The following VRK1 variants were observed in gnomAD, a reference collection of about 807,000 sequenced individuals.
VRK1 encodes serine/threonine-protein kinase VRK1.
VRK1 carries 33 observed loss-of-function variants against 57.1 expected under a neutral mutation model. That is an observed-to-expected ratio of 0.58 (90% CI 0.44 to 0.77). The LOEUF is 0.77. Among genes scored for constraint, VRK1 ranks in the 30% least tolerant of loss-of-function variants. The pLI, the probability that VRK1 is intolerant of heterozygous loss-of-function variation, is 0.00. For synonymous variants in VRK1, 137 were observed against 147.8 expected (o/e 0.93, Z 0.53); for missense variants, 413 against 477.3 (o/e 0.87, Z 1.25).
At chr14:96,862,511 C>CT (rs5810783) in intron 11 of VRK1, among the ~76,000 whole-genome samples, 89,629 of 141,876 alleles carry the variant, frequency 0.63, 27,847 homozygotes, top group East Asian at 0.89. Context: ...ATTTTGTTAG[C>CT]TTTTTTTTTT....
At chr14:96,870,523 C>T (rs949843385) in intron 11 of VRK1, among the ~76,000 whole-genome samples, 2 of 152,064 alleles carry the variant, frequency 1.3e-5, no homozygotes, top group African/African-American at 4.8e-5. Context: ...TCTTCTAGAC[C>T]GTAGTTCATT....
At chr14:96,803,506 T>G (rs1168573590) in intron 1 of VRK1, among the ~76,000 whole-genome samples, 1 of 152,192 alleles carries the variant, frequency 6.6e-6, no homozygotes, top group Non-Finnish European at 1.5e-5. Context: ...TTAGTATTGT[T>G]GTTAATCTCT....
chr14:96,857,731 T>G (rs554242308), intron 10 of VRK1, among the ~76,000 whole-genome samples: 6 of 152,248 alleles, frequency 3.9e-5, no homozygotes, highest in African/African-American at 1.4e-4. Flanking sequence ...TGCTCAGTTG[T>G]CTCCTTTTCA....
At chr14:96,841,583 C>T (rs916146454) in intron 3 of VRK1, among the ~76,000 whole-genome samples, 23 of 152,226 alleles carry the variant, frequency 1.5e-4, no homozygotes, top group African/African-American at 4.8e-4. Context: ...ACTGACCAGG[C>T]GCGGTGGCTC....
At chr14:96,857,305 A>T (rs570316336) in intron 10 of VRK1, among the ~76,000 whole-genome samples, 3 of 152,178 alleles carry the variant, frequency 2.0e-5, no homozygotes, top group African/African-American at 7.2e-5. Flanking sequence ...GGAGGACTGT[A>T]ATTTTAAGTA....
chr14:96,862,714 G>C (rs1888438088), intron 11 of VRK1, among the ~76,000 whole-genome samples: 1 of 152,050 alleles, frequency 6.6e-6, no homozygotes, highest in African/African-American at 2.4e-5. Context: ...TGCTGCCTCT[G>C]TTTTTCAGCA....
At chr14:96,833,763 C>T (rs1887106207) in intron 2 of VRK1, 132 bp downstream of exon 2, 1 of 1,295,526 alleles carries the variant, frequency 7.7e-7, no homozygotes, top group Non-Finnish European at 1.1e-6. Flanking sequence ...TCTGATTAAG[C>T]AAAAATGCAT....
intron 11 of VRK1, among the ~76,000 whole-genome samples, chr14:96,864,920 TTA>T (rs1888525876): frequency 7.6e-6 from 1 of 132,044 alleles, no homozygotes. Flanking sequence ...GTTTGCCTAT[TTA>T]AAAAAAAAAA....
At chr14:96,848,645 A>C (rs1050368405) in intron 5 of VRK1, among the ~76,000 whole-genome samples, 4 of 152,172 alleles carry the variant, frequency 2.6e-5, no homozygotes, top group African/African-American at 9.7e-5. Context: ...AATACTATAG[A>C]ATAAGGATTA....
At chr14:96,841,344 A>G (rs1050324164) in intron 3 of VRK1, among the ~76,000 whole-genome samples, 1 of 152,102 alleles carries the variant, frequency 6.6e-6, no homozygotes, top group Non-Finnish European at 1.5e-5. Context: ...AGTATTTTCT[A>G]TATGCTTAAG....
At chr14:96,855,959 A>G (rs1009680375) in intron 8 of VRK1, among the ~76,000 whole-genome samples, 171 bp from the exon 9 acceptor site, 1 of 152,198 alleles carries the variant, frequency 6.6e-6, no homozygotes, top group African/African-American at 2.4e-5. Flanking sequence ...GAGGTAAGCT[A>G]TTTCTTTTAT....
chr14:96,798,970 G>A (rs116595051), intron 1 of VRK1, among the ~76,000 whole-genome samples: 1,618 of 152,264 alleles, frequency 0.011, 24 homozygotes, highest in South Asian at 0.054. Context: ...ATCAGATTCT[G>A]TGTTAATACA....
chr14:96,813,891 A>C (rs1306867054), intron 1 of VRK1, among the ~76,000 whole-genome samples: 1 of 152,170 alleles, frequency 6.6e-6, no homozygotes, highest in Non-Finnish European at 1.5e-5. Flanking sequence ...TGGACAAATT[A>C]TTTAATTTCA....
In VRK1 at chr14:96,876,702, CT is replaced by C. The variant is rs564148003; in HGVS notation, c.1159+584del. Among the ~76,000 whole-genome samples the C allele has an allele frequency of 5.9e-4, 88 of 148,418 alleles. 1 individual carries two copies. The highest frequency in any genetic ancestry group is 2.1e-3 in the African/African-American group (85 of 40,108). On this transcript the variant is annotated intron_variant, in intron 12 of 12. Coordinates refer to ENST00000216639, the MANE Select transcript of VRK1 (RefSeq NM_003384.3). ...TGTTCCTTATAAAGTTTGTCAACCT[CT>C]TCTTTTTTTTGAACAAGTTAAGAGG...
chr14:96,851,975 A>G (rs1309025103), intron 5 of VRK1, among the ~76,000 whole-genome samples: 1 of 152,210 alleles, frequency 6.6e-6, no homozygotes, highest in Non-Finnish European at 1.5e-5. Context: ...TTTGATTTTT[A>G]TTGATTTACT....
intron 3 of VRK1, among the ~76,000 whole-genome samples, chr14:96,841,851 C>G (rs968707777): frequency 1.3e-5 from 2 of 150,762 alleles, no homozygotes; most frequent in Non-Finnish European, 3.0e-5. Flanking sequence ...AAAAAAAATA[C>G]CAAAAATAAA....
At chr14:96,821,715 A>G (rs1296420610) in intron 1 of VRK1, among the ~76,000 whole-genome samples, 1 of 152,154 alleles carries the variant, frequency 6.6e-6, no homozygotes, top group African/African-American at 2.4e-5. Context: ...AGACCTTCCA[A>G]GATTTCCCCA....
chr14:96,802,680 T>C (rs774215289), intron 1 of VRK1, among the ~76,000 whole-genome samples: 3 of 152,212 alleles, frequency 2.0e-5, no homozygotes, highest in Non-Finnish European at 2.9e-5. Context: ...GTCCTAGAAT[T>C]AGACACACAA....
intron 1 of VRK1, among the ~76,000 whole-genome samples, chr14:96,805,833 G>A (rs2139682672): frequency 6.6e-6 from 1 of 152,282 alleles, no homozygotes; most frequent in East Asian, 1.9e-4. Flanking sequence ...CATCTCACAT[G>A]TTTTTAAAGT....
Sources: allele counts gnomAD v4.1 joint callset (sites outside exome capture counted in the v4.1 genomes callset), GRCh38; gene constraint gnomAD v4.1.1; transcripts MANE v1.5; gene names NCBI Gene and HGNC (gene_info 2026-07-23, HGNC 2026-07-21).